Variants in STIM2 observed in about 807,000 individuals in gnomAD.
STIM2 encodes stromal interaction molecule 2.
Under a neutral mutation model 85.8 loss-of-function variants are expected in STIM2, and 31 were observed. The observed-to-expected ratio is 0.36, with a 90% CI of 0.27 to 0.49. The LOEUF is 0.49. Among genes scored for constraint, STIM2 ranks in the 20% least tolerant of loss-of-function variants. The probability of loss-of-function intolerance (pLI) is 0.98; values close to 1 mark genes in which losing one functional copy is unlikely to be tolerated. For missense variants in STIM2, 841 were observed against 927.6 expected, an observed-to-expected ratio of 0.91 and a Z score of 1.21; for synonymous variants, 356 against 331.1, an observed-to-expected ratio of 1.08 and a Z score of -0.82.
At chr4:27,001,736 C>G (rs1236376307) in intron 5 of STIM2, among the ~76,000 whole-genome samples, 1 of 152,168 alleles carries the variant, frequency 6.6e-6, no homozygotes, top group East Asian at 1.9e-4. Context: ...TTAACCTAAC[C>G]TAATTAGTTA....
chr4:26,911,982 CATT>C (rs1330473228), intron 1 of STIM2, among the ~76,000 whole-genome samples: 1 of 152,136 alleles, frequency 6.6e-6, no homozygotes, highest in Non-Finnish European at 1.5e-5. Flanking sequence ...AGAAGGAAGA[CATT>C]ATTCACTTTC....
chr4:26,969,191 C>T (rs1238017482), intron 3 of STIM2, among the ~76,000 whole-genome samples: 2 of 152,172 alleles, frequency 1.3e-5, no homozygotes. Flanking sequence ...TTAAATCCTT[C>T]TTAGAATTCA....
At chr4:26,988,448 TG>T (rs1237089619) in intron 3 of STIM2, among the ~76,000 whole-genome samples, 1 of 152,126 alleles carries the variant, frequency 6.6e-6, no homozygotes, top group African/African-American at 2.4e-5. Context: ...CAGTGGGGCC[TG>T]GGGGAACATT....
intron 1 of STIM2, among the ~76,000 whole-genome samples, chr4:26,915,990 G>A (rs1724564300): frequency 1.3e-5 from 2 of 152,178 alleles, no homozygotes; most frequent in Non-Finnish European, 2.9e-5. Flanking sequence ...GCTAAAGAAA[G>A]TGTCTATAAA....
intron 3 of STIM2, among the ~76,000 whole-genome samples, chr4:26,984,715 T>G (rs916930382): frequency 2.0e-5 from 3 of 152,184 alleles, no homozygotes; most frequent in African/African-American, 7.2e-5. Flanking sequence ...ACCATCTTCA[T>G]GGAACTAGGT....
At chr4:26,992,330 A>G (rs1223506919) in intron 3 of STIM2, among the ~76,000 whole-genome samples, 1 of 152,104 alleles carries the variant, frequency 6.6e-6, no homozygotes, top group African/African-American at 2.4e-5. Flanking sequence ...GAAGACTTAT[A>G]CTTTACTGAA....
intron 3 of STIM2, among the ~76,000 whole-genome samples, chr4:26,976,819 AT>A (rs1232082755): frequency 2.0e-5 from 3 of 152,114 alleles, no homozygotes; most frequent in Non-Finnish European, 4.4e-5. Flanking sequence ...AACAAAAAAA[AT>A]TATTTTTCCT....
At chr4:26,999,134 A>G (rs1728060272) in intron 4 of STIM2, 98 bp from the exon 5 acceptor site, 1 of 409,010 alleles carries the variant, frequency 2.4e-6, no homozygotes, top group Admixed American at 4.7e-5. Flanking sequence ...AATAATATGT[A>G]AAGTGTTAAA....
intron 3 of STIM2, among the ~76,000 whole-genome samples, chr4:26,992,190 C>T (rs528580602): frequency 7.9e-5 from 12 of 152,066 alleles, no homozygotes; most frequent in Non-Finnish European, 1.5e-4. Context: ...ATCCTTGTCT[C>T]ACCATTAAAA....
rs1416706660 is a variant in STIM2, at chr4:26,891,554, TACATAC to T, written c.152-27946_152-27941del. 6.5e-3 allele frequency among the ~76,000 whole-genome samples: 734 copies of T among 112,288 alleles called. 22 individuals carry two copies. Among genetic ancestry groups the T allele is most frequent in the Admixed American group, 0.057 (588 of 10,338 alleles). 73.7% of individuals were successfully genotyped at this position (112,288 alleles called of 152,430 possible). A position where few individuals can be genotyped will look rare whatever the true frequency, so the allele number is the denominator to read the frequency against. On this transcript the variant is annotated intron_variant, in intron 1 of 11. Transcript: ENST00000467087. ...ATACATATAAAGATATGTGTATACATACATACACACACACACACACACACACACACA... is the reference window on the plus strand; with the variant it reads ...ATACATATAAAGATATGTGTATACATACACACACACACACACACACACACA...
intron 3 of STIM2, among the ~76,000 whole-genome samples, chr4:26,994,878 A>G (rs1028862253): frequency 6.6e-6 from 1 of 152,084 alleles, no homozygotes; most frequent in African/African-American, 2.4e-5. Context: ...GTTAATCACT[A>G]TCTGAAATTT....
rs1728953573 is a variant in STIM2, at chr4:27,022,689, A to C, written c.1934A>C (p.Asp645Ala). 2 of 1,614,178 alleles carry C rather than the reference A, an allele frequency of 1.2e-6. No individual in the cohort carries two copies. The highest frequency in any genetic ancestry group is 1.3e-5 in the African/African-American group (1 of 75,046). Residue 645 changes from aspartate (D) to alanine (A), a missense_variant, in exon 12 of 12, where the codon GAT (aspartate) becomes GCT (alanine). Coordinates refer to ENST00000467087, the MANE Select transcript of STIM2 (RefSeq NM_020860.4). ...CGAGGGGATTCGCCTGTAACTGTGG[A>C]TGTGTCTTGGGGTTCTCCCGACTGT...
intron 2 of STIM2, among the ~76,000 whole-genome samples, chr4:26,943,858 T>A (rs373385512): frequency 6.6e-5 from 10 of 152,318 alleles, no homozygotes; most frequent in African/African-American, 2.4e-4. Context: ...ACTGAAAATT[T>A]TGATTCTTAA....
At chr4:26,939,057 T>C (rs759448029) in intron 2 of STIM2, among the ~76,000 whole-genome samples, 8 of 152,168 alleles carry the variant, frequency 5.3e-5, no homozygotes, top group Non-Finnish European at 1.0e-4. Context: ...CTTCTGGGTA[T>C]TTAGTTCATT....
At chr4:26,921,586 T>C (rs1724798788) in intron 2 of STIM2, among the ~76,000 whole-genome samples, 1 of 152,270 alleles carries the variant, frequency 6.6e-6, no homozygotes. Flanking sequence ...TTGGCCTGCA[T>C]GCTGTAGTTT....
chr4:26,913,894 G>A (rs1034006167), intron 1 of STIM2, among the ~76,000 whole-genome samples: 1 of 152,180 alleles, frequency 6.6e-6, no homozygotes, highest in African/African-American at 2.4e-5. Context: ...GTAAGCAAAC[G>A]AATCAACTCA....
intron 1 of STIM2, among the ~76,000 whole-genome samples, chr4:26,902,670 A>C (rs1384421985): frequency 6.6e-6 from 1 of 152,154 alleles, no homozygotes; most frequent in Non-Finnish European, 1.5e-5. Context: ...TTCTGATTTG[A>C]GTTCTGCAGG....
intron 1 of STIM2, among the ~76,000 whole-genome samples, chr4:26,880,438 CTTA>C (rs1722961862): frequency 6.6e-6 from 1 of 151,590 alleles, no homozygotes; most frequent in African/African-American, 2.4e-5. Flanking sequence ...TTTTAATATG[CTTA>C]TTAACTTGTT....
chr4:26,993,003 C>A (rs1727819052), intron 3 of STIM2, among the ~76,000 whole-genome samples: 1 of 152,036 alleles, frequency 6.6e-6, no homozygotes, highest in Non-Finnish European at 1.5e-5. Context: ...TACTGACTTA[C>A]TGGAAATTGT....
Sources: allele counts gnomAD v4.1 joint callset (sites outside exome capture counted in the v4.1 genomes callset), GRCh38; gene constraint gnomAD v4.1.1; transcripts MANE v1.5; gene names NCBI Gene and HGNC (gene_info 2026-07-23, HGNC 2026-07-21).